The following DSTYK variants were observed in gnomAD, a reference collection of about 807,000 sequenced individuals.
The protein encoded by DSTYK is RIP-homologous kinase.
A neutral mutation model predicts 98.7 loss-of-function variants in DSTYK; 34 were observed. The ratio of observed to expected loss-of-function variants is 0.34; its 90% CI spans 0.26 to 0.46. The LOEUF is 0.46. Ranked by LOEUF, DSTYK falls within the 20% of genes least tolerant of loss-of-function variation. The pLI is 1.00. For missense variants in DSTYK, 962 were observed against 1,181.7 expected (o/e 0.81, Z 2.73); for synonymous variants, 462 against 457.3 (o/e 1.01, Z -0.13).
chr1:205,184,450 TA>T (rs1229653672), intron 2 of DSTYK, among the ~76,000 whole-genome samples: 2 of 151,864 alleles, frequency 1.3e-5, no homozygotes, highest in Non-Finnish European at 2.9e-5. Flanking sequence ...CAGGCGCCTA[TA>T]ATCCCAGCTA....
At position 205,157,276 on chromosome 1, in the gene DSTYK, C is replaced by A. The variant is rs111507314; in HGVS notation, c.2349G>T (p.Val783=). 9.9e-6 allele frequency: 16 copies of A among 1,613,974 alleles called. No homozygotes were observed. The African/African-American group carries it at 1.3e-4, about 13-fold the overall frequency. Residue 783 remains valine (V), a synonymous_variant, in exon 10 of 13, where the codon GTG becomes GTT. Coordinates refer to ENST00000367162, the MANE Select transcript of DSTYK (RefSeq NM_015375.3). ...TGGGGAAACAGCTTTTACTTACCAG[C>A]ACATTTTTCAGTTTGATATCACGAT... ...LVHRDIKLKN[V]LLDKQNRAKI... is the part of the protein sequence containing the mutation.
intron 2 of DSTYK, 135 bp downstream of exon 2, chr1:205,187,283 T>C (rs1200832643): frequency 9.8e-7 from 1 of 1,022,108 alleles, no homozygotes; most frequent in East Asian, 2.7e-5. Flanking sequence ...TCCCAGATTA[T>C]GTTCCTCTGA....
At position 205,150,883 on chromosome 1, in the gene DSTYK, A is replaced by G. The variant is rs2102379333; in HGVS notation, c.2353-89T>C. 1 of 970,002 alleles carries G rather than the reference A, an allele frequency of 1.0e-6. No individual in the cohort carries two copies. Among genetic ancestry groups the G allele is most frequent in the Admixed American group, 2.0e-5 (1 of 51,276 alleles). The allele number at this position is 970,002 out of a possible 1,614,324, so 60.1% of individuals were successfully genotyped here. A position where few individuals can be genotyped will look rare whatever the true frequency, so the allele number is the denominator to read the frequency against. On this transcript the variant is annotated intron_variant, in intron 10 of 12. Transcript: ENST00000367162. This position sits in a 1 kb window ranked among gnomAD's most constrained non-coding sequence, Gnocchi z 4.1. ...CTAAGCTCAAAGGTAGGTACCTCAA[A>G]GTAGTGTCACTGGATAGGATTATGC...
chr1:205,162,504 T>C (rs1657758155), intron 5 of DSTYK, among the ~76,000 whole-genome samples: 1 of 152,142 alleles, frequency 6.6e-6, no homozygotes, highest in South Asian at 2.1e-4. Flanking sequence ...TAAATAACTC[T>C]ACATAAGAGC....
intron 2 of DSTYK, among the ~76,000 whole-genome samples, chr1:205,184,308 C>T (rs995164803): frequency 6.6e-6 from 1 of 152,034 alleles, no homozygotes; most frequent in Non-Finnish European, 1.5e-5. Flanking sequence ...CATAGTGGCT[C>T]ACGCCTGTAA....
chr1:205,211,417 C>A lies in DSTYK; in HGVS notation c.119G>T (p.Arg40Leu). 2 of 1,609,996 alleles carry A rather than the reference C, an allele frequency of 1.2e-6. No homozygotes were observed. Among genetic ancestry groups the A allele is most frequent in the Non-Finnish European group, 1.7e-6 (2 of 1,179,082 alleles). The change falls in exon 1 of 13, where the codon CGG (arginine) becomes CTG (leucine). Residue 40 changes from arginine to leucine, a missense_variant. By Grantham distance (102) the Arg-to-Leu change is moderately radical (BLOSUM62 -2). Coordinates refer to ENST00000367162, the MANE Select transcript of DSTYK (RefSeq NM_015375.3). ...GFGRYRRYLG[R>L]LRQNLRETQK... ...GGTCTCGCGCAGGTTCTGTCGCAGC[C>A]GTCCCAGGTAGCGGCGGTAGCGGCC...
At chr1:205,153,823 C>T (rs944326093) in intron 10 of DSTYK, among the ~76,000 whole-genome samples, 1 of 151,696 alleles carries the variant, frequency 6.6e-6, no homozygotes, top group Non-Finnish European at 1.5e-5. Context: ...CCTGCCTCAG[C>T]CTCCTAAGTA....
intron 3 of DSTYK, among the ~76,000 whole-genome samples, chr1:205,164,880 A>G (rs1657842241): frequency 6.6e-6 from 1 of 152,222 alleles, no homozygotes; most frequent in South Asian, 2.1e-4. Context: ...CATCTTCACA[A>G]TAACTTTGTT....
chr1:205,152,660 A>ATTT (rs572810153), intron 10 of DSTYK, among the ~76,000 whole-genome samples: 6 of 138,166 alleles, frequency 4.3e-5, no homozygotes, highest in African/African-American at 1.3e-4. Flanking sequence ...TTTGAATTTC[A>ATTT]TTTTTTTTTT....
intron 1 of DSTYK, among the ~76,000 whole-genome samples, chr1:205,196,351 G>T (rs118178245): frequency 6.6e-6 from 1 of 151,976 alleles, no homozygotes; most frequent in South Asian, 2.1e-4. Context: ...GAGCCTAGAA[G>T]TTCAAAACCA....
chr1:205,150,862 G>A lies in DSTYK; in HGVS notation c.2353-68C>T. The A allele has an allele frequency of 1.6e-6, 2 of 1,237,598 alleles. No individual in the cohort carries two copies. 76.7% of individuals were successfully genotyped at this position (1,237,598 alleles called of 1,614,324 possible). On this transcript the variant is annotated intron_variant, in intron 10 of 12. Transcript: ENST00000367162. The surrounding 1 kb of genome is among the most constrained non-coding windows in gnomAD (Gnocchi z 4.1). ...GCACACAGCACTGCTGCGTACCTAA[G>A]CTCAAAGGTAGGTACCTCAAAGTAG...
rs569246481 is a variant in DSTYK, at chr1:205,176,729, C to G, written c.655-6897G>C. Among the ~76,000 whole-genome samples, 82 of 152,074 alleles carry G rather than the reference C, an allele frequency of 5.4e-4. 1 individual carries two copies. Among genetic ancestry groups the G allele is most frequent in the African/African-American group, 1.9e-3 (79 of 41,514 alleles). Reference sequence around the variant, plus strand: ...AAGTGCTAGGATTATAGGCATGTGCCACTGTGCCCAGCCAGTGACGCTATT... The same window carrying G: ...AAGTGCTAGGATTATAGGCATGTGCGACTGTGCCCAGCCAGTGACGCTATT... On this transcript the variant is annotated intron_variant, in intron 2 of 12. Transcript: ENST00000367162.
intron 1 of DSTYK, among the ~76,000 whole-genome samples, chr1:205,192,168 C>T (rs1187484853): frequency 6.6e-6 from 1 of 152,162 alleles, no homozygotes; most frequent in Non-Finnish European, 1.5e-5. Flanking sequence ...GTATTGATCA[C>T]TTTATTTGCT....
At position 205,150,511 on chromosome 1, in the gene DSTYK, C is replaced by T. The variant is rs374756491; in HGVS notation, c.2467+169G>A. Reference sequence around the variant, plus strand: ...GTACTTTTTCTTTCTTACTCCTTTACCTCTTCACTTTCCCTGCTACTTGCC... The same window carrying T: ...GTACTTTTTCTTTCTTACTCCTTTATCTCTTCACTTTCCCTGCTACTTGCC... On this transcript the variant is annotated intron_variant, in intron 11 of 12. Transcript: ENST00000367162. The surrounding 1 kb of genome is among the most constrained non-coding windows in gnomAD (Gnocchi z 4.1). Among the ~76,000 whole-genome samples the T allele has an allele frequency of 6.6e-6, 1 of 152,138 alleles. No homozygotes were observed. Among genetic ancestry groups the T allele is most frequent in the Non-Finnish European group, 1.5e-5 (1 of 68,032 alleles).
intron 1 of DSTYK, among the ~76,000 whole-genome samples, chr1:205,205,536 C>G (rs940252576): frequency 3.9e-5 from 6 of 152,084 alleles, no homozygotes; most frequent in African/African-American, 7.2e-5. Context: ...ATCTCTGCCT[C>G]CTGGGTTCCA....
intron 8 of DSTYK, 181 bp downstream of exon 8, chr1:205,159,933 T>C (rs1657667932): frequency 1.2e-6 from 1 of 839,468 alleles, no homozygotes; most frequent in Admixed American, 2.5e-5. Flanking sequence ...GTCTGAGAAA[T>C]TAGGATGGTG....
intron 8 of DSTYK, 83 bp downstream of exon 8, chr1:205,160,031 T>C (rs1252328253): frequency 1.3e-6 from 2 of 1,507,694 alleles, no homozygotes; most frequent in Admixed American, 1.7e-5. Flanking sequence ...GGCCATGCTG[T>C]AGCTCTTGGT....
rs1318015982 is a variant in DSTYK at position 205,211,410 on chromosome 1, T to C, written c.126A>G (p.Arg42=). 1 of 1,610,706 alleles carries C rather than the reference T, an allele frequency of 6.2e-7. No homozygotes were observed. Among genetic ancestry groups the C allele is most frequent in the Non-Finnish European group, 8.5e-7 (1 of 1,179,212 alleles). The change falls in exon 1 of 13, where the codon CGA becomes CGG. Residue 42 remains arginine (R), a synonymous_variant. Transcript: ENST00000367162. ...ACTTCTGGGTCTCGCGCAGGTTCTG[T>C]CGCAGCCGTCCCAGGTAGCGGCGGT... ...GRYRRYLGRL[R]QNLRETQKFF... is the part of the protein sequence containing the mutation.
chr1:205,191,082 T>C (rs1372825268), intron 1 of DSTYK, among the ~76,000 whole-genome samples: 2 of 152,088 alleles, frequency 1.3e-5, no homozygotes, highest in Admixed American at 6.6e-5. Flanking sequence ...CCTCCATCTT[T>C]CCTACAAAAA....
Sources: gnomAD v4.1 joint callset for allele counts (sites outside exome capture counted in the v4.1 genomes callset) on GRCh38, gnomAD v4.1.1 for gene constraint, Gnocchi (gnomAD v3.1) non-coding constraint, MANE v1.5 for transcripts, NCBI Gene and HGNC (gene_info 2026-07-23, HGNC 2026-07-21) for gene names.